TET1: variants seen among roughly 807,000 people sequenced by gnomAD.
The protein encoded by TET1 is tet methylcytosine dioxygenase 1.
Under a neutral mutation model 148.7 loss-of-function variants are expected in TET1, and 13 were observed. The ratio of observed to expected loss-of-function variants is 0.09; its 90% CI spans 0.06 to 0.14. The LOEUF (loss-of-function observed/expected upper bound fraction) is 0.14. Ranked by LOEUF, TET1 falls within the 10% of genes least tolerant of loss-of-function variation. The pLI is 1.00. For missense variants in TET1, 2,182 were observed against 2,553.8 expected, an observed-to-expected ratio of 0.85 and a Z score of 3.14; for synonymous variants, 907 against 937.2, an observed-to-expected ratio of 0.97 and a Z score of 0.59.
chr10:68,669,011 C>T (rs1193594015), intron 7 of TET1, among the ~76,000 whole-genome samples: 6 of 150,852 alleles, frequency 4.0e-5, no homozygotes, highest in Non-Finnish European at 1.5e-5. Flanking sequence ...ACTTCATGGG[C>T]CTGATGTACT....
chr10:68,689,133 G>A (rs1189151940), intron 11 of TET1, among the ~76,000 whole-genome samples: 2 of 151,964 alleles, frequency 1.3e-5, no homozygotes, highest in Admixed American at 1.3e-4. Context: ...ACCTTCTGTG[G>A]ACAACTTAAC....
At chr10:68,627,970 G>A (rs576599605) in intron 3 of TET1, among the ~76,000 whole-genome samples, 5 of 151,870 alleles carry the variant, frequency 3.3e-5, no homozygotes, top group Admixed American at 1.3e-4. Context: ...TGCCGTGCCC[G>A]GCCCCCAAAT....
chr10:68,673,106 C>A, intron 8 of TET1, 61 bp downstream of exon 8: 2 of 1,442,634 alleles, frequency 1.4e-6, no homozygotes, highest in South Asian at 1.5e-5. Flanking sequence ...TATGTAAGTG[C>A]ATTCCTTTAA....
At chr10:68,634,390 A>C (rs746373742) in intron 3 of TET1, among the ~76,000 whole-genome samples, 2 of 152,254 alleles carry the variant, frequency 1.3e-5, no homozygotes, top group Non-Finnish European at 2.9e-5. Flanking sequence ...AAATTTGATA[A>C]TCTGTACAAT....
At chr10:68,631,033 C>G (rs1393901464) in intron 3 of TET1, among the ~76,000 whole-genome samples, 1 of 151,706 alleles carries the variant, frequency 6.6e-6, no homozygotes, top group African/African-American at 2.4e-5. Flanking sequence ...TAAAATTAGC[C>G]AGGCATGATG....
chr10:68,645,474 G>T lies in TET1; in HGVS notation c.2745G>T (p.Lys915Asn). The change falls in exon 4 of 12, where the codon AAG (lysine) becomes AAT (asparagine). Residue 915 changes from lysine (K) to asparagine (N), a missense_variant. Lys to Asn is a moderately conservative substitution (Grantham distance 94, BLOSUM62 0). Transcript: ENST00000373644. The stretch of plus-strand genomic sequence containing the variant: ...ATTCCTCCCCATCAAAGTCAGAGAA[G>T]GATGAGGAATCAGAGCAGAGAACAG... Reference protein sequence around the residue: ...SENSSPSKSEKDEESEQRTAS... With the variant: ...SENSSPSKSENDEESEQRTAS... 1.2e-6 allele frequency: 2 copies of T among 1,613,864 alleles called. No homozygotes were observed. Among genetic ancestry groups the T allele is most frequent in the Middle Eastern group, 1.6e-4 (1 of 6,062 alleles).
At chr10:68,574,477 A>G (rs1474928346) in intron 2 of TET1, among the ~76,000 whole-genome samples, 1 of 152,138 alleles carries the variant, frequency 6.6e-6, no homozygotes, top group East Asian at 1.9e-4. Flanking sequence ...TATTTTTAGA[A>G]TTTGTCCCAG....
intron 2 of TET1, among the ~76,000 whole-genome samples, chr10:68,591,295 G>A (rs1297158092): frequency 6.6e-6 from 1 of 152,010 alleles, no homozygotes; most frequent in Non-Finnish European, 1.5e-5. Flanking sequence ...TTTATTTTTT[G>A]GTTCCTCTCT....
intron 3 of TET1, among the ~76,000 whole-genome samples, chr10:68,641,890 C>T (rs533065446): frequency 1.1e-3 from 174 of 152,288 alleles, no homozygotes; most frequent in Middle Eastern, 3.4e-3. Flanking sequence ...CCTTGAACTC[C>T]AAGTCTCAAG....
At chr10:68,574,559 T>G (rs2795903) in intron 2 of TET1, among the ~76,000 whole-genome samples, 132,712 of 152,196 alleles carry the variant, frequency 0.87, 57,983 homozygotes, top group Admixed American at 0.92. Context: ...ATGAAATGTG[T>G]TTTTGCAGAG....
rs1163318028 is a variant in TET1 at position 68,580,313 on chromosome 10, A to ATTTTTTTTTTTT, written c.1914+6075_1914+6086dup. 8.3e-5 allele frequency among the ~76,000 whole-genome samples: 5 copies of ATTTTTTTTTTTT among 60,436 alleles called. 1 individual carries two copies. The highest frequency in any genetic ancestry group is 8.7e-5 in the Non-Finnish European group (3 of 34,480). The allele number at this position is 60,436 out of a possible 152,430, so 39.6% of individuals were successfully genotyped here. ...AACCAATGCATTTTTATTATATTCA[A>ATTTTTTTTTTTT]TTTTTTTTTTTTTTTTTTTTTTTTT... On this transcript the variant is annotated intron_variant, in intron 2 of 11. Transcript: ENST00000373644.
At chr10:68,677,342 A>C (rs1256828460) in intron 8 of TET1, among the ~76,000 whole-genome samples, 1 of 152,104 alleles carries the variant, frequency 6.6e-6, no homozygotes, top group Non-Finnish European at 1.5e-5. Flanking sequence ...TTTGTTTCCT[A>C]ATCTTAAAAA....
At chr10:68,562,216 A>G (rs557139282) in intron 1 of TET1, among the ~76,000 whole-genome samples, 2 of 152,272 alleles carry the variant, frequency 1.3e-5, no homozygotes, top group South Asian at 4.2e-4. Context: ...CCCACCCCCA[A>G]TATAAAGTAA....
intron 10 of TET1, 47 bp from the exon 11 acceptor site, chr10:68,686,309 T>C (rs2055507623): frequency 6.7e-7 from 1 of 1,485,862 alleles, no homozygotes; most frequent in African/African-American, 1.4e-5. Flanking sequence ...ACAATGAATG[T>C]GCACGACCCG....
At chr10:68,631,207 A>G (rs1249946416) in intron 3 of TET1, among the ~76,000 whole-genome samples, 1 of 152,244 alleles carries the variant, frequency 6.6e-6, no homozygotes, top group African/African-American at 2.4e-5. Context: ...GAAATATATT[A>G]AAAACAAAGA....
At chr10:68,676,909 G>A (rs2055370035) in intron 8 of TET1, among the ~76,000 whole-genome samples, 1 of 152,196 alleles carries the variant, frequency 6.6e-6, no homozygotes, top group Non-Finnish European at 1.5e-5. Flanking sequence ...TCAAGATCCT[G>A]AGGCATTCTT....
intron 2 of TET1, among the ~76,000 whole-genome samples, chr10:68,578,701 GAA>G (rs2053759149): frequency 7.6e-6 from 1 of 131,940 alleles, no homozygotes; most frequent in African/African-American, 2.6e-5. Context: ...GAGCAAAATG[GAA>G]AAAGATCTTA....
chr10:68,683,049 GA>G, intron 10 of TET1, 76 bp downstream of exon 10: 7 of 1,472,586 alleles, frequency 4.8e-6, no homozygotes, highest in Non-Finnish European at 6.5e-6. Context: ...CGTATACTGT[GA>G]TGACTATTAC....
chr10:68,688,299 T>C (rs931791491), intron 11 of TET1, among the ~76,000 whole-genome samples: 3 of 151,422 alleles, frequency 2.0e-5, no homozygotes, highest in Admixed American at 1.3e-4. Flanking sequence ...AGTTTCACCA[T>C]GTTGGCCAAA....
Sources: allele counts gnomAD v4.1 joint callset (sites outside exome capture counted in the v4.1 genomes callset), GRCh38; gene constraint gnomAD v4.1.1; transcripts MANE v1.5; gene names NCBI Gene and HGNC (gene_info 2026-07-23, HGNC 2026-07-21).